Variants in CNTN6 observed in about 807,000 individuals in gnomAD.
CNTN6 encodes contactin 6.
CNTN6 carries 137 observed loss-of-function variants against 122.8 expected under a neutral mutation model. That is an observed-to-expected ratio of 1.12 (90% CI 0.97 to 1.29). The LOEUF (loss-of-function observed/expected upper bound fraction) is 1.29. Among genes scored for constraint, CNTN6 ranks in the 50% most tolerant of loss-of-function variants. The probability of loss-of-function intolerance (pLI) is 0.00; values close to 1 mark genes in which losing one functional copy is unlikely to be tolerated. For synonymous variants in CNTN6, 570 were observed against 426.0 expected (o/e 1.34, Z -4.16); for missense variants, 1,634 against 1,223.4 (o/e 1.34, Z -5.01).
intron 2 of CNTN6, among the ~76,000 whole-genome samples, chr3:1,162,907 A>C (rs3772371): frequency 0.16 from 24,887 of 152,112 alleles, 2,391 homozygotes; most frequent in East Asian, 0.25. Flanking sequence ...ATCACTCCAA[A>C]TGAGAAATGT....
At chr3:1,098,098 G>T (rs562350847) in intron 1 of CNTN6, among the ~76,000 whole-genome samples, 3 of 151,736 alleles carry the variant, frequency 2.0e-5, no homozygotes, top group African/African-American at 4.8e-5. Context: ...TATTTGCGGG[G>T]GGGGGAGGGA....
At chr3:1,269,318 A>G (rs2125745651) in intron 4 of CNTN6, among the ~76,000 whole-genome samples, 1 of 152,310 alleles carries the variant, frequency 6.6e-6, no homozygotes, top group African/African-American at 2.4e-5. Flanking sequence ...TCCATCACTA[A>G]GCCTTTTAAG....
intron 7 of CNTN6, among the ~76,000 whole-genome samples, chr3:1,316,511 A>G (rs1054675665): frequency 1.3e-5 from 2 of 151,852 alleles, no homozygotes; most frequent in Admixed American, 1.3e-4. Flanking sequence ...CCATTAATGA[A>G]TGATCCACCC....
At chr3:1,112,831 T>C (rs1351503615) in intron 1 of CNTN6, among the ~76,000 whole-genome samples, 1 of 151,966 alleles carries the variant, frequency 6.6e-6, no homozygotes, top group Non-Finnish European at 1.5e-5. Flanking sequence ...CCCAGGCAGG[T>C]CACATAAATA....
chr3:1,364,712 G>T (rs1262718540), intron 12 of CNTN6, among the ~76,000 whole-genome samples: 1 of 151,848 alleles, frequency 6.6e-6, no homozygotes, highest in African/African-American at 2.4e-5. Context: ...CATAAGTTTT[G>T]ATGTAATTAG....
chr3:1,380,056 C>A (rs914514428), intron 17 of CNTN6, among the ~76,000 whole-genome samples: 1 of 152,126 alleles, frequency 6.6e-6, no homozygotes, highest in African/African-American at 2.4e-5. Flanking sequence ...AGGAAAGACA[C>A]CATCAGAACT....
intron 4 of CNTN6, among the ~76,000 whole-genome samples, chr3:1,270,413 T>C (rs1297735062): frequency 6.6e-6 from 1 of 152,228 alleles, no homozygotes; most frequent in Non-Finnish European, 1.5e-5. Context: ...AAGTTGCATA[T>C]ATCATATCTG....
At chr3:1,237,321 A>G (rs1173931672) in intron 4 of CNTN6, among the ~76,000 whole-genome samples, 1 of 151,986 alleles carries the variant, frequency 6.6e-6, no homozygotes, top group African/African-American at 2.4e-5. Flanking sequence ...TTTCAAATTA[A>G]CCCAGTCCAT....
chr3:1,369,398 T>C (rs75553450), intron 12 of CNTN6, among the ~76,000 whole-genome samples: 14 of 125,246 alleles, frequency 1.1e-4, no homozygotes, highest in Non-Finnish European at 2.2e-4. Context: ...TTTTTTTTTT[T>C]CCTCATTTTC....
In CNTN6 at chr3:1,206,185, T is replaced by C. The variant is rs188388302; in HGVS notation, c.56-14502T>C. On this transcript the variant is annotated intron_variant, in intron 2 of 22. Transcript: ENST00000446702. ...TATCACATATCTCTAATCCAAATACTTTCTCATTCTCCTGAAGATCATTTC... is the reference window on the plus strand; with the variant it reads ...TATCACATATCTCTAATCCAAATACCTTCTCATTCTCCTGAAGATCATTTC... Among the ~76,000 whole-genome samples, 135 of 152,288 alleles carry C rather than the reference T, an allele frequency of 8.9e-4. 1 individual carries two copies. The highest frequency in any genetic ancestry group is 6.0e-3 in the Admixed American group (91 of 15,294).
chr3:1,171,297 T>C (rs1159327150), intron 2 of CNTN6, among the ~76,000 whole-genome samples: 2 of 152,186 alleles, frequency 1.3e-5, no homozygotes, highest in Non-Finnish European at 2.9e-5. Flanking sequence ...AGAAATAATA[T>C]GTGTAGGTTC....
chr3:1,310,958 G>C (rs1575649418), intron 7 of CNTN6, among the ~76,000 whole-genome samples: 1 of 152,044 alleles, frequency 6.6e-6, no homozygotes, highest in Admixed American at 6.6e-5. Flanking sequence ...CTGAGATTGT[G>C]CCATTGCAGT....
Position 1,385,700 on chromosome 3 carries a change from G to A in CNTN6, c.2607G>A (p.Leu869=). 1 of 1,614,102 alleles carries A rather than the reference G, an allele frequency of 6.2e-7. No individual in the cohort carries two copies. Among genetic ancestry groups the A allele is most frequent in the Non-Finnish European group, 8.5e-7 (1 of 1,179,960 alleles). The change falls in exon 20 of 23, where the codon CTG becomes CTA. Residue 869 remains leucine, a synonymous_variant. Transcript: ENST00000446702. The stretch of plus-strand genomic sequence containing the variant: ...TCACAACCAAAAACATCACGGGGCT[G>A]AAAGCTAATACCATCTACTTTGCTT... ...GNVTTKNITG[L]KANTIYFASV...
rs148406106 is a variant in CNTN6, at chr3:1,321,727, C to G, written c.839C>G (p.Ala280Gly). ...AAAGTCAAGTACAGCAAATCCCAAG[C>G]TATCCTTGAAATCCCGAACTTCCAA... is the stretch of plus-strand genomic sequence containing the variant. ...PGKVKYSKSQ[A>G]ILEIPNFQQE... is the part of the protein sequence containing the mutation. The change falls in exon 8 of 23, where the codon GCT (alanine) becomes GGT (glycine). Residue 280 changes from alanine to glycine, a missense_variant. By Grantham distance (60) the Ala-to-Gly change is moderately conservative. Transcript: ENST00000446702. 245 of 1,611,896 alleles carry G rather than the reference C, an allele frequency of 1.5e-4. 2 individuals carry two copies. Among genetic ancestry groups the G allele is most frequent in the Admixed American group, 5.5e-4 (33 of 59,780 alleles).
chr3:1,251,619 C>G (rs2094671146), intron 4 of CNTN6, among the ~76,000 whole-genome samples: 1 of 151,890 alleles, frequency 6.6e-6, no homozygotes, highest in Non-Finnish European at 1.5e-5. Flanking sequence ...CTTTCACTTT[C>G]CAATTAATGA....
chr3:1,169,270 G>T (rs1381996103), intron 2 of CNTN6, among the ~76,000 whole-genome samples: 1 of 152,180 alleles, frequency 6.6e-6, no homozygotes, highest in Admixed American at 6.5e-5. Context: ...CTTAAAAAAG[G>T]TGACATAGTC....
intron 3 of CNTN6, among the ~76,000 whole-genome samples, chr3:1,221,148 T>TGA (rs779163398): frequency 2.1e-5 from 3 of 142,902 alleles, no homozygotes; most frequent in Non-Finnish European, 3.0e-5. Context: ...TGGTCAGAAA[T>TGA]GAGAGAGAGA....
At chr3:1,257,742 G>A (rs551872938) in intron 4 of CNTN6, among the ~76,000 whole-genome samples, 1 of 152,262 alleles carries the variant, frequency 6.6e-6, no homozygotes, top group Non-Finnish European at 1.5e-5. Context: ...TAGCTGGTGA[G>A]AGCGAGCTAT....
At chr3:1,385,019 A>G (rs1042706902) in intron 19 of CNTN6, among the ~76,000 whole-genome samples, 5 of 151,548 alleles carry the variant, frequency 3.3e-5, no homozygotes, top group African/African-American at 1.2e-4. Context: ...CTTGTAGCAT[A>G]TTTTTTCTAT....
Sources: allele counts gnomAD v4.1 joint callset (sites outside exome capture counted in the v4.1 genomes callset), GRCh38; gene constraint gnomAD v4.1.1; transcripts MANE v1.5; gene names NCBI Gene and HGNC (gene_info 2026-07-23, HGNC 2026-07-21).